PLEKHG5: variants seen among roughly 807,000 people sequenced by gnomAD.
The protein encoded by PLEKHG5 is pleckstrin homology domain-containing family G member 5.
PLEKHG5 carries 52 observed loss-of-function variants against 103.8 expected under a neutral mutation model. That is an observed-to-expected ratio of 0.50 (90% CI 0.40 to 0.63). The LOEUF (loss-of-function observed/expected upper bound fraction) is 0.63. PLEKHG5 is among the 30% of genes least tolerant of loss of function. The probability of loss-of-function intolerance (pLI) is 0.00; values close to 1 mark genes in which losing one functional copy is unlikely to be tolerated. For synonymous variants in PLEKHG5, 592 were observed against 575.5 expected, an observed-to-expected ratio of 1.03 and a Z score of -0.41; for missense variants, 1,205 against 1,347.6, an observed-to-expected ratio of 0.89 and a Z score of 1.66.
rs1425857194 is a variant in PLEKHG5 at position 6,473,410 on chromosome 1, C to A, written c.636G>T (p.Glu212Asp). Reference protein sequence around the residue: ...RRKNMSEFLGEASIPGQEPPT... With the variant: ...RRKNMSEFLGDASIPGQEPPT... The stretch of plus-strand genomic sequence containing the variant: ...GGGGCTCCTGCCCGGGGATGCTCGC[C>A]TCCCCCAGGAACTCCGACATGTTCT... The change falls in exon 8 of 21, where the codon GAG becomes GAT. Residue 212 changes from glutamate (E) to aspartate (D), a missense_variant. Coordinates refer to ENST00000377728, the MANE Select transcript of PLEKHG5 (RefSeq NM_020631.6). 1 of 1,543,406 alleles carries A rather than the reference C, an allele frequency of 6.5e-7. No individual in the cohort carries two copies. The highest frequency in any genetic ancestry group is 8.7e-7 in the Non-Finnish European group (1 of 1,143,580).
rs1460672913 is a variant in PLEKHG5, at chr1:6,475,960, C to G, written c.120G>C (p.Glu40Asp). 2 of 1,614,064 alleles carry G rather than the reference C, an allele frequency of 1.2e-6. No homozygotes were observed. The highest frequency in any genetic ancestry group is 3.3e-5 in the Admixed American group (2 of 60,034). ...TGCCATCCACAGAGCTCTCCTCCTCCTCCTCCTCCAAGTCCACTGCGGGGC... is the reference window on the plus strand; with the variant it reads ...TGCCATCCACAGAGCTCTCCTCCTCGTCCTCCTCCAAGTCCACTGCGGGGC... Reference protein sequence around the residue: ...RTSPAVDLEEEEEESSVDGKG... With the variant: ...RTSPAVDLEEDEEESSVDGKG... The change falls in exon 3 of 21, where the codon GAG becomes GAC. Residue 40 changes from glutamate (E) to aspartate (D), a missense_variant. By Grantham distance (45) the Glu-to-Asp change is conservative. Transcript: ENST00000377728.
intron 1 of PLEKHG5, among the ~76,000 whole-genome samples, chr1:6,511,059 A>G (rs1638457093): frequency 6.6e-6 from 1 of 152,116 alleles, no homozygotes; most frequent in Non-Finnish European, 1.5e-5. Context: ...ACTACACTCC[A>G]GCCTCAGCGA....
chr1:6,483,586 G>T (rs1184262475), intron 1 of PLEKHG5, among the ~76,000 whole-genome samples: 1 of 152,110 alleles, frequency 6.6e-6, no homozygotes. Flanking sequence ...GATTGCTGGA[G>T]CCCAGGAGGT....
intron 12 of PLEKHG5, 157 bp from the exon 13 acceptor site, chr1:6,471,257 G>T: frequency 1.3e-6 from 1 of 796,980 alleles, no homozygotes; most frequent in Non-Finnish European, 2.1e-6. Flanking sequence ...AGGAAACTGA[G>T]CCTCAGCCAA....
intron 1 of PLEKHG5, among the ~76,000 whole-genome samples, chr1:6,502,752 GC>G (rs1645309602): frequency 6.6e-6 from 1 of 152,216 alleles, no homozygotes; most frequent in Non-Finnish European, 1.5e-5. Flanking sequence ...GCTGGCATCG[GC>G]CCACCCTGCA....
Position 6,468,421 on chromosome 1 carries a change from C to T in PLEKHG5, c.2415G>A (p.Leu805=). The T allele has an allele frequency of 6.2e-7, 1 of 1,612,482 alleles. No individual in the cohort carries two copies. The highest frequency in any genetic ancestry group is 1.3e-5 in the African/African-American group (1 of 75,018). Residue 805 remains leucine, a synonymous_variant, in exon 20 of 21, where the codon CTG becomes CTA. Coordinates refer to ENST00000377728, the MANE Select transcript of PLEKHG5 (RefSeq NM_020631.6). Reference sequence around the variant, plus strand: ...AGCAGGAGCGGCCGTCCACCGGACCCAGGGGCAGCAGCTCACTGGTGGGCG... The same window carrying T: ...AGCAGGAGCGGCCGTCCACCGGACCTAGGGGCAGCAGCTCACTGGTGGGCG... ...SATPTSELLP[L]GPVDGRSCSM... is the part of the protein sequence containing the mutation.
chr1:6,469,366 C>A lies in PLEKHG5; in HGVS notation c.2018G>T (p.Arg673Leu). 9.3e-6 allele frequency: 15 copies of A among 1,614,146 alleles called. No homozygotes were observed. The highest frequency in any genetic ancestry group is 1.3e-5 in the African/African-American group (1 of 75,062). ...TFQASGQALC[R>L]GWVDTIYNAQ... is the part of the protein sequence containing the mutation. The stretch of plus-strand genomic sequence containing the variant: ...ATTGTAAATGGTGTCCACCCAGCCA[C>A]GGCACAAGGCCTGGCCACTGGCCTG... Residue 673 changes from arginine (R) to leucine (L), a missense_variant, in exon 18 of 21, where the codon CGT (arginine) becomes CTT (leucine). Arg to Leu is a moderately radical substitution (Grantham distance 102, BLOSUM62 -2). Transcript: ENST00000377728.
chr1:6,477,303 G>A (rs533837289), intron 2 of PLEKHG5, among the ~76,000 whole-genome samples: 1 of 152,364 alleles, frequency 6.6e-6, no homozygotes, highest in East Asian at 1.9e-4. Context: ...GTGAGAACCA[G>A]TGAGAGCACA....
chr1:6,515,710 A>T (rs1363086010), intron 1 of PLEKHG5, among the ~76,000 whole-genome samples: 1 of 152,134 alleles, frequency 6.6e-6, no homozygotes, highest in Non-Finnish European at 1.5e-5. Flanking sequence ...GGTCTTTAGA[A>T]GTGGGAAATC....
At chr1:6,515,090 C>T (rs1253977312) in intron 1 of PLEKHG5, among the ~76,000 whole-genome samples, 1 of 152,052 alleles carries the variant, frequency 6.6e-6, no homozygotes, top group African/African-American at 2.4e-5. Flanking sequence ...GAAAGAAAAT[C>T]ATACCGAATT....
At chr1:6,501,159 T>C (rs1645292569), upstream of PLEKHG5, among the ~76,000 whole-genome samples, 1 of 152,182 alleles carries the variant, frequency 6.6e-6, no homozygotes, top group South Asian at 2.1e-4. This position sits in a 1 kb window ranked among gnomAD's most constrained non-coding sequence, Gnocchi z 4.3. Flanking sequence ...TCCCGAGCTG[T>C]GTCTGCCTCG....
At chr1:6,496,387 GC>G (rs1022665766), upstream of PLEKHG5, 3 of 851,916 alleles carry the variant, frequency 3.5e-6, no homozygotes, top group African/African-American at 5.2e-5. Flanking sequence ...CCAGCCAGCC[GC>G]GCCCGTGCCA....
At chr1:6,504,023 T>G (rs1638229059) in intron 1 of PLEKHG5, among the ~76,000 whole-genome samples, 1 of 152,170 alleles carries the variant, frequency 6.6e-6, no homozygotes, top group African/African-American at 2.4e-5. Context: ...GGGAGCACAG[T>G]CTGAGTGGGG....
chr1:6,474,674 C>T, intron 5 of PLEKHG5, 87 bp from the exon 6 acceptor site: 6 of 1,349,182 alleles, frequency 4.4e-6, no homozygotes, highest in Non-Finnish European at 6.2e-6. Context: ...CCCCGCCCCA[C>T]CCACAGCCCC....
chr1:6,473,275 G>C lies in PLEKHG5; in HGVS notation c.771C>G (p.Gly257=), dbSNP rs200400689. The change falls in exon 8 of 21, where the codon GGC becomes GGG. Residue 257 remains glycine (G), a synonymous_variant. Coordinates refer to ENST00000377728, the MANE Select transcript of PLEKHG5 (RefSeq NM_020631.6). ...ASRFSGFFSS[G]PSTSAFGREV... is the part of the protein sequence containing the mutation. ...CCCGGCCAAAGGCGCTGGTGCTGGG[G>C]CCGGAGCTGAAAAAGCCGCTGAAGC... The C allele has an allele frequency of 4.4e-5, 71 of 1,606,184 alleles. No homozygotes were observed. The East Asian group carries it at 1.1e-3, about 26-fold the overall frequency.
At chr1:6,519,868 G>A (rs1638725754) in exon 1 of PLEKHG5, 1 of 380,928 alleles carries the variant, frequency 2.6e-6, no homozygotes, top group Admixed American at 3.9e-5. Context: ...CCTGGAATGG[G>A]CTCCCACACT....
At chr1:6,485,394 C>A in intron 1 of PLEKHG5, 9 of 1,389,830 alleles carry the variant, frequency 6.5e-6, no homozygotes, top group Non-Finnish European at 8.3e-6. Flanking sequence ...CAGCCCCGGG[C>A]CCGGCCTGGA....
chr1:6,501,371 G>A (rs1171728726), upstream of PLEKHG5, among the ~76,000 whole-genome samples: 1 of 152,194 alleles, frequency 6.6e-6, no homozygotes, highest in Admixed American at 6.5e-5. This position sits in a 1 kb window ranked among gnomAD's most constrained non-coding sequence, Gnocchi z 4.3. Context: ...CCAGATTGAA[G>A]GCTGCTGCCT....
chr1:6,512,952 C>T (rs1638517697), intron 1 of PLEKHG5, among the ~76,000 whole-genome samples: 1 of 152,218 alleles, frequency 6.6e-6, no homozygotes, highest in African/African-American at 2.4e-5. Flanking sequence ...GAGACAGTGG[C>T]CAACAGTCAC....
Sources: allele counts gnomAD v4.1 joint callset (sites outside exome capture counted in the v4.1 genomes callset), GRCh38; gene constraint gnomAD v4.1.1; non-coding constraint Gnocchi (gnomAD v3.1); transcripts MANE v1.5; gene names NCBI Gene and HGNC (gene_info 2026-07-23, HGNC 2026-07-21).